Variants in POM121C observed in about 807,000 individuals in gnomAD.
The protein encoded by POM121C is nuclear envelope pore membrane protein POM 121C.
POM121C carries 20 observed loss-of-function variants against 66.4 expected under a neutral mutation model. That is an observed-to-expected ratio of 0.30 (90% CI 0.21 to 0.44). The LOEUF (loss-of-function observed/expected upper bound fraction) is 0.44, where lower values mean the gene tolerates loss of function less well. Among genes scored for constraint, POM121C ranks in the 20% least tolerant of loss-of-function variants. POM121C has a pLI of 1.00. For synonymous variants in POM121C, 286 were observed against 528.0 expected (o/e 0.54, Z 6.28); for missense variants, 580 against 1,225.7 (o/e 0.47, Z 7.87).
At chr7:75,476,385 G>A (rs1323465202) in intron 1 of POM121C, among the ~76,000 whole-genome samples, 1 of 152,086 alleles carries the variant, frequency 6.6e-6, no homozygotes, top group African/African-American at 2.4e-5. Context: ...GCTTGAGCCA[G>A]CATGCCCTGC....
Position 75,418,830 on chromosome 7 carries a change from A to G in POM121C, c.2930T>C (p.Leu977Pro), listed in dbSNP as rs782763551. Residue 977 changes from leucine (L) to proline (P), a missense_variant, in exon 15 of 15, where the codon CTG (leucine) becomes CCG (proline). Leu to Pro is a moderately conservative substitution (Grantham distance 98, BLOSUM62 -3). Transcript: ENST00000615331. The stretch of plus-strand genomic sequence containing the variant: ...GCGGGTGTGCTGCCTTCGGGCCTGC[A>G]GTCGCTGTCGAGCCCCTGGGGTCTT... Reference protein sequence around the residue: ...GSKTPGARQRLQARRQHTRKK With the variant: ...GSKTPGARQRPQARRQHTRKK 1 of 1,611,862 alleles carries G rather than the reference A, an allele frequency of 6.2e-7. No homozygotes were observed. Among genetic ancestry groups the G allele is most frequent in the Admixed American group, 1.7e-5 (1 of 59,950 alleles).
In POM121C at chr7:75,440,942, T is replaced by C. The variant is rs1480303137; in HGVS notation, c.227+12A>G. Reference sequence around the variant, plus strand: ...GCGGGAAACTGGCTTAGTACTCTCCTGAGCCTGTTACCTTCTTTTATTTTC... The same window carrying C: ...GCGGGAAACTGGCTTAGTACTCTCCCGAGCCTGTTACCTTCTTTTATTTTC... On this transcript the variant is annotated intron_variant, in intron 5 of 14. Coordinates refer to ENST00000615331, the MANE Select transcript of POM121C (RefSeq NM_001099415.3). 27 of 1,613,920 alleles carry C rather than the reference T, an allele frequency of 1.7e-5. No homozygotes were observed. Among genetic ancestry groups the C allele is most frequent in the African/African-American group, 2.7e-5 (2 of 74,948 alleles).
intron 1 of POM121C, among the ~76,000 whole-genome samples, chr7:75,477,110 T>TACACACATACAC (rs1792115187): frequency 7.1e-6 from 1 of 140,590 alleles, no homozygotes; most frequent in African/African-American, 2.6e-5. Context: ...TTTGCGTGTA[T>TACACACATACAC]ACACACACAC....
Position 75,430,146 on chromosome 7 carries a change from T to G in POM121C, c.481-3693A>C, listed in dbSNP as rs587610323. On this transcript the variant is annotated intron_variant, in intron 7 of 14. Transcript: ENST00000615331. ...CCAATCAGTATCTCAAAACTTTTTT[T>G]TGTGTGTGTGGAAATTGACAAGTTG... Among the ~76,000 whole-genome samples, 35 of 152,334 alleles carry G rather than the reference T, an allele frequency of 2.3e-4. No homozygotes were observed. The South Asian group carries it at 3.3e-3, about 14-fold the overall frequency.
At chr7:75,434,359 C>T (rs587745211) in intron 7 of POM121C, among the ~76,000 whole-genome samples, 3 of 151,368 alleles carry the variant, frequency 2.0e-5, no homozygotes, top group African/African-American at 7.3e-5. Flanking sequence ...CACTTGACCT[C>T]CGCCTTCCAG....
intron 7 of POM121C, among the ~76,000 whole-genome samples, chr7:75,431,802 T>C (rs1280422467): frequency 2.0e-5 from 3 of 151,240 alleles, no homozygotes; most frequent in Admixed American, 6.6e-5. Context: ...AGTTTTAAAA[T>C]GTAGCTCAGT....
In POM121C at chr7:75,485,869, T is replaced by C. The variant is rs376637304; in HGVS notation, c.-463A>G. 2.3e-4 allele frequency: 117 copies of C among 508,120 alleles called. 3 individuals carry two copies. The East Asian group carries it at 5.1e-3, about 22-fold the overall frequency. 31.5% of individuals were successfully genotyped at this position (508,120 alleles called of 1,614,324 possible). On this transcript the variant is annotated 5_prime_UTR_variant, in exon 1 of 15. Transcript: ENST00000615331. ...CCCAAAAACCCAAGACTTACCCTCC[T>C]GGGGCTCCGCAGCCTCTGCCCCACG...
chr7:75,424,371 C>A, intron 11 of POM121C, 146 bp from the exon 12 acceptor site: 2 of 1,224,612 alleles, frequency 1.6e-6, no homozygotes, highest in South Asian at 2.7e-5. Flanking sequence ...CCCGTGAAGA[C>A]CAACACGGAT....
At chr7:75,430,045 T>C (rs587610496) in intron 7 of POM121C, among the ~76,000 whole-genome samples, 5 of 152,298 alleles carry the variant, frequency 3.3e-5, no homozygotes, top group East Asian at 3.9e-4. Context: ...TCCATGTTCA[T>C]AGATTAGAAG....
At chr7:75,442,350 T>A in intron 3 of POM121C, 1 of 1,409,482 alleles carries the variant, frequency 7.1e-7, no homozygotes. Context: ...TAACTGCCCA[T>A]GAGGAGCAGT....
intron 3 of POM121C, among the ~76,000 whole-genome samples, chr7:75,465,895 CAAAAAAAAAA>C (rs35108311): frequency 4.6e-4 from 7 of 15,238 alleles, no homozygotes; most frequent in African/African-American, 1.5e-3. Flanking sequence ...CACCCTGTCT[CAAAAAAAAAA>C]AAAAAAAAAA....
At chr7:75,479,475 G>T (rs1317848983) in intron 1 of POM121C, among the ~76,000 whole-genome samples, 2 of 150,242 alleles carry the variant, frequency 1.3e-5, no homozygotes, top group African/African-American at 5.0e-5. Flanking sequence ...AATTAGCCGG[G>T]CGTGATGGTG....
At chr7:75,457,577 G>T (rs1584693408) in intron 3 of POM121C, among the ~76,000 whole-genome samples, 2 of 145,750 alleles carry the variant, frequency 1.4e-5, no homozygotes, top group African/African-American at 5.1e-5. Flanking sequence ...CCCCACCTTG[G>T]GCCAACACAA....
In POM121C at chr7:75,416,982, C is replaced by A. The variant is rs1433106204; in HGVS notation, c.*1814G>T. The A allele has an allele frequency of 1.5e-6, 2 of 1,338,252 alleles. No individual in the cohort carries two copies. The highest frequency in any genetic ancestry group is 3.0e-5 in the East Asian group (1 of 33,314). 82.9% of individuals were successfully genotyped at this position (1,338,252 alleles called of 1,614,324 possible). A position where few individuals can be genotyped will look rare whatever the true frequency, so the allele number is the denominator to read the frequency against. On this transcript the variant is annotated 3_prime_UTR_variant, in exon 15 of 15. Transcript: ENST00000615331. The stretch of plus-strand genomic sequence containing the variant: ...CACTCAGGGTTCCCGGACCGGCTGT[C>A]CTGCCTGCGGAACTGAGGTAAACAA...
At chr7:75,463,020 G>A (rs1791498216) in intron 3 of POM121C, among the ~76,000 whole-genome samples, 1 of 152,068 alleles carries the variant, frequency 6.6e-6, no homozygotes, top group East Asian at 1.9e-4. Context: ...TAAAGCCTAG[G>A]GCAAAGCTGT....
At position 75,417,094 on chromosome 7, in the gene POM121C, C is replaced by T. The variant is rs1584636584; in HGVS notation, c.*1702G>A. On this transcript the variant is annotated 3_prime_UTR_variant, in exon 15 of 15. Transcript: ENST00000615331. ...TAGGCCCAGGCCCACCCAGACCCTC[C>T]AATCCTAACAGGTATTTAGGCTTGA... 3.8e-6 allele frequency: 4 copies of T among 1,042,084 alleles called. No individual in the cohort carries two copies. The highest frequency in any genetic ancestry group is 7.5e-5 in the South Asian group (2 of 26,612). The allele number at this position is 1,042,084 out of a possible 1,614,324, so 64.6% of individuals were successfully genotyped here.
At chr7:75,484,231 A>G in intron 1 of POM121C, 1 of 1,609,774 alleles carries the variant, frequency 6.2e-7, no homozygotes, top group South Asian at 1.1e-5. Context: ...GCTCTTGGAA[A>G]CATGCAGAGA....
intron 3 of POM121C, among the ~76,000 whole-genome samples, chr7:75,458,549 A>G (rs1554476609): frequency 6.6e-6 from 1 of 152,128 alleles, no homozygotes; most frequent in East Asian, 1.9e-4. Context: ...AAAAACAAAA[A>G]CAAATTGGCC....
At chr7:75,470,869 A>G (rs1166140389) in intron 3 of POM121C, among the ~76,000 whole-genome samples, 1 of 152,142 alleles carries the variant, frequency 6.6e-6, no homozygotes, top group African/African-American at 2.4e-5. Flanking sequence ...CCTGGGCTCA[A>G]GTGATCTGCC....
Sources: gnomAD v4.1 joint callset for allele counts (sites outside exome capture counted in the v4.1 genomes callset) on GRCh38, gnomAD v4.1.1 for gene constraint, MANE v1.5 for transcripts, NCBI Gene and HGNC (gene_info 2026-07-23, HGNC 2026-07-21) for gene names.